The following CETP variants were observed in gnomAD, a reference collection of about 807,000 sequenced individuals.
CETP encodes the protein cholesteryl ester transfer protein.
A neutral mutation model predicts 66.5 loss-of-function variants in CETP; 56 were observed. That is an observed-to-expected ratio of 0.84 (90% CI 0.68 to 1.05). The LOEUF (loss-of-function observed/expected upper bound fraction) is 1.05. Ranked by LOEUF, CETP falls within the 50% of genes least tolerant of loss-of-function variation. The pLI, the probability that CETP is intolerant of heterozygous loss-of-function variation, is 0.00. For synonymous variants in CETP, 251 were observed against 245.7 expected (o/e 1.02, Z -0.20); for missense variants, 612 against 609.6 (o/e 1.00, Z -0.04).
chr16:56,977,997 C>G, intron 10 of CETP, 94 bp from the exon 11 acceptor site: 1 of 1,511,532 alleles, frequency 6.6e-7, no homozygotes, highest in Non-Finnish European at 9.0e-7. Context: ...CCCTGGGGCC[C>G]GGAGCCAGCT....
chr16:56,980,407 A>G (rs12447620), intron 11 of CETP, among the ~76,000 whole-genome samples: 120,758 of 152,140 alleles, frequency 0.79, 48,657 homozygotes, highest in Middle Eastern at 0.88. Flanking sequence ...CCTGGGCTCA[A>G]GTGATCCTCC....
chr16:56,982,469 C>T (rs187423573), intron 14 of CETP, among the ~76,000 whole-genome samples: 6 of 152,246 alleles, frequency 3.9e-5, no homozygotes, highest in African/African-American at 1.2e-4. Flanking sequence ...TGCCACCCCG[C>T]GGGATGGCTC....
chr16:56,982,215 G>A lies in CETP; in HGVS notation c.1299G>A (p.Val433=), dbSNP rs5886. 3.7e-3 allele frequency: 5,911 copies of A among 1,614,004 alleles called. 204 individuals carry two copies. In the African/African-American group the frequency reaches 0.068, roughly 19 times the overall value. ...QSFLQSMITA[V]GIPEVMSRLE... ...TCCTGCAGTCAATGATCACCGCTGT[G>A]GGCATCCCTGAGGTCATGTCTCGTA... The change falls in exon 14 of 16, where the codon GTG becomes GTA. Residue 433 remains valine (V), a synonymous_variant. Coordinates refer to ENST00000200676, the MANE Select transcript of CETP (RefSeq NM_000078.3).
chr16:56,973,592 G>A lies in CETP; in HGVS notation c.930+82G>A, dbSNP rs184684961. On this transcript the variant is annotated intron_variant, in intron 9 of 15. Coordinates refer to ENST00000200676, the MANE Select transcript of CETP (RefSeq NM_000078.3). ...TGTGCACACGCATGGGGAGGAGGGA[G>A]GAAACTCGGAAACTTGGTGGTGGGC... The A allele has an allele frequency of 2.0e-4, 301 of 1,483,280 alleles. No homozygotes were observed. In the African/African-American group the frequency reaches 3.8e-3, roughly 19 times the overall value. 91.9% of individuals were successfully genotyped at this position (1,483,280 alleles called of 1,614,324 possible). A position where few individuals can be genotyped will look rare whatever the true frequency, so the allele number is the denominator to read the frequency against.
At chr16:56,962,932 T>C (rs2056034946) in intron 1 of CETP, 78 bp from the exon 2 acceptor site, 3 of 1,298,932 alleles carry the variant, frequency 2.3e-6, no homozygotes, top group African/African-American at 1.5e-5. Flanking sequence ...GGCTGAGTCA[T>C]GGCCAAGGCC....
intron 9 of CETP, 123 bp downstream of exon 9, chr16:56,973,633 G>C (rs1327834137): frequency 1.9e-6 from 2 of 1,078,916 alleles, no homozygotes; most frequent in East Asian, 2.6e-5. Flanking sequence ...AACTAAGCTG[G>C]AGCAATAGCA....
chr16:56,979,703 C>T (rs1458553545), intron 11 of CETP, among the ~76,000 whole-genome samples: 2 of 152,038 alleles, frequency 1.3e-5, no homozygotes, highest in African/African-American at 4.8e-5. Flanking sequence ...GGCGGGGTTT[C>T]ACCAGGTTGG....
chr16:56,970,030 C>A (rs746250474), intron 5 of CETP, 29 bp downstream of exon 5: 7 of 1,595,008 alleles, frequency 4.4e-6, no homozygotes, highest in Non-Finnish European at 1.7e-6. Flanking sequence ...GGCCCCCATT[C>A]CTGCTCGTGC....
At chr16:56,963,462 A>T (rs944602612) in intron 2 of CETP, among the ~76,000 whole-genome samples, 24 of 152,176 alleles carry the variant, frequency 1.6e-4, no homozygotes, top group Non-Finnish European at 2.9e-4. Flanking sequence ...TTTTTAAAAA[A>T]ATGTATAAAT....
intron 9 of CETP, 144 bp downstream of exon 9, chr16:56,973,654 G>T: frequency 1.1e-6 from 1 of 889,978 alleles, no homozygotes; most frequent in East Asian, 2.7e-5. Flanking sequence ...GTGAAGTCCA[G>T]ACTGGGCACA....
chr16:56,971,294 G>C (rs1433713106), intron 6 of CETP, 27 bp from the exon 7 acceptor site: 1 of 1,613,224 alleles, frequency 6.2e-7, no homozygotes, highest in Non-Finnish European at 8.5e-7. Context: ...TTTCCTGCCT[G>C]GAAAGCACCT....
chr16:56,978,244 A>T lies in CETP; in HGVS notation c.1135A>T (p.Thr379Ser), dbSNP rs149523722. ...RPDQQHSVAY[T>S]FEEDIVTTVQ... ...AGACCAGCAACATTCTGTAGCTTACACATTTGAAGAGGTGAGGCGGGTGCA... is the reference window on the plus strand; with the variant it reads ...AGACCAGCAACATTCTGTAGCTTACTCATTTGAAGAGGTGAGGCGGGTGCA... Residue 379 changes from threonine (T) to serine (S), a missense_variant, in exon 11 of 16, where the codon ACA becomes TCA. By Grantham distance (58) the Thr-to-Ser change is moderately conservative (BLOSUM62 1). Coordinates refer to ENST00000200676, the MANE Select transcript of CETP (RefSeq NM_000078.3). The T allele has an allele frequency of 3.7e-6, 6 of 1,614,006 alleles. No homozygotes were observed. Among genetic ancestry groups the T allele is most frequent in the Non-Finnish European group, 5.1e-6 (6 of 1,180,026 alleles).
chr16:56,972,022 T>C lies in CETP; in HGVS notation c.689T>C (p.Val230Ala), dbSNP rs760001416. 24 of 1,614,022 alleles carry C rather than the reference T, an allele frequency of 1.5e-5. No homozygotes were observed. The highest frequency in any genetic ancestry group is 2.0e-5 in the Non-Finnish European group (24 of 1,180,034). The change falls in exon 8 of 16, where the codon GTG becomes GCG. Residue 230 changes from valine (V) to alanine (A), a missense_variant. By Grantham distance (64) the Val-to-Ala change is moderately conservative (BLOSUM62 0). Coordinates refer to ENST00000200676, the MANE Select transcript of CETP (RefSeq NM_000078.3). The part of the protein sequence containing the change: ...ASILSDGDIG[V>A]DISLTGDPVI... ...ATCCTTTCAGATGGAGACATTGGGG[T>C]GGACATTTCCCTGACAGGTGATCCC...
intron 14 of CETP, among the ~76,000 whole-genome samples, chr16:56,982,614 C>G (rs1379336017): frequency 6.6e-6 from 1 of 152,204 alleles, no homozygotes; most frequent in Non-Finnish European, 1.5e-5. Context: ...GAATGTTGAA[C>G]TTGATGATTC....
intron 7 of CETP, 26 bp from the exon 8 acceptor site, chr16:56,971,966 C>T (rs1309968104): frequency 1.4e-5 from 22 of 1,602,852 alleles, no homozygotes; most frequent in Non-Finnish European, 1.9e-5. Context: ...ATCCTGAGGC[C>T]CTGCGTTGAT....
intron 10 of CETP, among the ~76,000 whole-genome samples, chr16:56,975,868 A>C (rs1415442192): frequency 6.6e-6 from 1 of 152,160 alleles, no homozygotes; most frequent in East Asian, 1.9e-4. Flanking sequence ...GAGCAGAGCC[A>C]CCAACAGAAC....
chr16:56,975,166 C>A lies in CETP; in HGVS notation c.981+15C>A, dbSNP rs1164789629. On this transcript the variant is annotated intron_variant, in intron 10 of 15. Coordinates refer to ENST00000200676, the MANE Select transcript of CETP (RefSeq NM_000078.3). The stretch of plus-strand genomic sequence containing the variant: ...TCTTCCAAGAGGTAACTGCCCCCTG[C>A]CCCTGTGTGGGGTTTATCTCACGTA... 2 of 1,613,436 alleles carry A rather than the reference C, an allele frequency of 1.2e-6. No homozygotes were observed. Among genetic ancestry groups the A allele is most frequent in the Non-Finnish European group, 1.7e-6 (2 of 1,179,334 alleles).
chr16:56,977,168 C>T (rs1226476758), intron 10 of CETP, among the ~76,000 whole-genome samples: 3 of 152,166 alleles, frequency 2.0e-5, no homozygotes, highest in African/African-American at 7.2e-5. Flanking sequence ...GCCTCAGCCT[C>T]CCAAAGTGCC....
In CETP at chr16:56,969,677, G is replaced by C; in HGVS notation, c.435G>C (p.Gln145His). The change falls in exon 4 of 16, where the codon CAG becomes CAC. Residue 145 changes from glutamine (Q) to histidine (H), a missense_variant. Transcript: ENST00000200676. The stretch of plus-strand genomic sequence containing the variant: ...CCATTGACCTCCAGATCAACACACA[G>C]CTGAGTATGTGTCAAGCGTCCTCTG... Reference protein sequence around the residue: ...DSAIDLQINTQLTCDSGRVRT... With the variant: ...DSAIDLQINTHLTCDSGRVRT... The C allele has an allele frequency of 1.2e-6, 2 of 1,613,928 alleles. No individual in the cohort carries two copies. Among genetic ancestry groups the C allele is most frequent in the Non-Finnish European group, 1.7e-6 (2 of 1,180,012 alleles).
Sources: allele counts gnomAD v4.1 joint callset (sites outside exome capture counted in the v4.1 genomes callset), GRCh38; gene constraint gnomAD v4.1.1; transcripts MANE v1.5; gene names NCBI Gene and HGNC (gene_info 2026-07-23, HGNC 2026-07-21).